Variants in DNAH8 observed in about 807,000 individuals in gnomAD.
DNAH8 encodes axonemal beta dynein heavy chain 8.
A neutral mutation model predicts 562.1 loss-of-function variants in DNAH8; 382 were observed. The ratio of observed to expected loss-of-function variants is 0.68; its 90% CI spans 0.63 to 0.74. The LOEUF is 0.74. Ranked by LOEUF, DNAH8 falls within the 30% of genes least tolerant of loss-of-function variation. DNAH8 has a pLI of 0.00. For synonymous variants in DNAH8, 1,881 were observed against 1,919.4 expected (o/e 0.98, Z 0.52); for missense variants, 5,203 against 5,620.4 (o/e 0.93, Z 2.37).
intron 5 of DNAH8, among the ~76,000 whole-genome samples, chr6:38,736,448 A>G (rs1764095150): frequency 6.6e-6 from 1 of 152,162 alleles, no homozygotes; most frequent in Non-Finnish European, 1.5e-5. Context: ...ATACCTTAAC[A>G]CGAATCAAGA....
At chr6:38,921,328 T>G (rs1231861916) in intron 70 of DNAH8, 41 bp from the exon 71 acceptor site, 1 of 1,595,794 alleles carries the variant, frequency 6.3e-7, no homozygotes, top group Non-Finnish European at 8.5e-7. Context: ...TCATGACTGT[T>G]TCATGCAGCT....
At chr6:38,968,372 T>C (rs964829221) in intron 82 of DNAH8, among the ~76,000 whole-genome samples, 1 of 152,112 alleles carries the variant, frequency 6.6e-6, no homozygotes, top group African/African-American at 2.4e-5. Context: ...GAGAAAATAT[T>C]TGCAAATCAT....
intron 88 of DNAH8, among the ~76,000 whole-genome samples, chr6:38,993,147 C>T (rs1463810613): frequency 6.6e-6 from 1 of 152,192 alleles, no homozygotes; most frequent in Non-Finnish European, 1.5e-5. Flanking sequence ...TGTCTTCCCC[C>T]ATTCCATATT....
At chr6:38,945,275 A>G (rs1021784458) in intron 79 of DNAH8, among the ~76,000 whole-genome samples, 192 bp from the exon 80 acceptor site, 1 of 152,226 alleles carries the variant, frequency 6.6e-6, no homozygotes, top group Non-Finnish European at 1.5e-5. Flanking sequence ...AGATGGTATA[A>G]ATCAGTAAAT....
At chr6:39,013,759 G>A (rs1052063590) in intron 91 of DNAH8, among the ~76,000 whole-genome samples, 1 of 152,170 alleles carries the variant, frequency 6.6e-6, no homozygotes, top group Non-Finnish European at 1.5e-5. Context: ...GCTGAGGTGG[G>A]AGGATCACCT....
chr6:38,929,737 A>C, intron 75 of DNAH8, 71 bp downstream of exon 75: 1 of 1,331,192 alleles, frequency 7.5e-7, no homozygotes, highest in Non-Finnish European at 9.9e-7. Context: ...AAAAATTAAG[A>C]AAGAGAAAGA....
intron 81 of DNAH8, among the ~76,000 whole-genome samples, chr6:38,950,185 T>C (rs957897749): frequency 4.7e-5 from 5 of 107,352 alleles, no homozygotes; most frequent in African/African-American, 7.9e-5. Flanking sequence ...AGTGTGTGTG[T>C]CTGCGTGTGT....
At chr6:38,838,070 C>T in intron 33 of DNAH8, 28 bp downstream of exon 33, 6 of 1,396,914 alleles carry the variant, frequency 4.3e-6, no homozygotes, top group Non-Finnish European at 6.1e-6. Flanking sequence ...GCAAGTATTA[C>T]ATGCAAATAA....
In DNAH8 at chr6:38,775,859, G is replaced by A. The variant is rs1371554492; in HGVS notation, c.1870G>A (p.Val624Ile). ...AAAATTCAGAAATATATACCAAGGG[G>A]TTAAGAAAAAGCAATATGACATTCT... ...AIKFRNIYQG[V>I]KKKQYDILDP... is the part of the protein sequence containing the mutation. The change falls in exon 13 of 93, where the codon GTT (valine) becomes ATT (isoleucine). Residue 624 changes from valine to isoleucine, a missense_variant. Transcript: ENST00000327475. 1 of 1,611,116 alleles carries A rather than the reference G, an allele frequency of 6.2e-7. No homozygotes were observed. The highest frequency in any genetic ancestry group is 8.5e-7 in the Non-Finnish European group (1 of 1,177,498).
Position 38,722,943 on chromosome 6 carries a change from A to G in DNAH8, c.134A>G (p.Asp45Gly). The G allele has an allele frequency of 2.5e-6, 4 of 1,612,596 alleles. No homozygotes were observed. The highest frequency in any genetic ancestry group is 1.3e-5 in the African/African-American group (1 of 75,030). The change falls in exon 2 of 93, where the codon GAT becomes GGT. Residue 45 changes from aspartate (D) to glycine (G), a missense_variant. Physicochemically the swap from Asp to Gly is moderately conservative, Grantham distance 94 (BLOSUM62 -1). Coordinates refer to ENST00000327475, the MANE Select transcript of DNAH8 (RefSeq NM_001206927.2). ...RPPTVEAPAE[D>G]GFSPSAEDAV... ...CCGACAGTGGAGGCCCCGGCAGAAG[A>G]TGGTTTCTCTCCTTCCGCAGAAGAT...
intron 68 of DNAH8, among the ~76,000 whole-genome samples, chr6:38,915,668 T>G (rs1781257167): frequency 6.6e-6 from 1 of 152,178 alleles, no homozygotes; most frequent in African/African-American, 2.4e-5. Context: ...GAGAGCCTGC[T>G]CAGTTTCTCC....
At chr6:38,723,941 T>C (rs1201379971) in intron 3 of DNAH8, among the ~76,000 whole-genome samples, 1 of 151,776 alleles carries the variant, frequency 6.6e-6, no homozygotes, top group Admixed American at 6.6e-5. Flanking sequence ...TATATAATTA[T>C]AGCCAGTTGA....
chr6:38,866,932 T>A lies in DNAH8; in HGVS notation c.6693+56T>A, dbSNP rs188522607. 307 of 1,030,176 alleles carry A rather than the reference T, an allele frequency of 3.0e-4. 2 individuals carry two copies. In the East Asian group the frequency reaches 7.4e-3, roughly 25 times the overall value. The allele number at this position is 1,030,176 out of a possible 1,614,324, so 63.8% of individuals were successfully genotyped here. Reference sequence around the variant, plus strand: ...AATAGTATTTGGTTTTTTTGCTTTGTAATTTTCCCTTGATAAATACTCATC... The same window carrying A: ...AATAGTATTTGGTTTTTTTGCTTTGAAATTTTCCCTTGATAAATACTCATC... On this transcript the variant is annotated intron_variant, in intron 47 of 92. Transcript: ENST00000327475.
chr6:38,764,640 G>T (rs1207905539), intron 11 of DNAH8: 2 of 152,258 alleles, frequency 1.3e-5, no homozygotes, highest in African/African-American at 4.8e-5. Flanking sequence ...TGTTGAGGTG[G>T]TAAAGGCAAT....
At chr6:38,846,490 C>T (rs141711109) in intron 36 of DNAH8, among the ~76,000 whole-genome samples, 35 of 152,260 alleles carry the variant, frequency 2.3e-4, no homozygotes, top group East Asian at 1.3e-3. Context: ...CCCTTTTCCA[C>T]GTTGGGATCA....
intron 12 of DNAH8, among the ~76,000 whole-genome samples, 170 bp downstream of exon 12, chr6:38,770,729 A>G (rs1222552333): frequency 6.6e-6 from 1 of 152,036 alleles, no homozygotes; most frequent in African/African-American, 2.4e-5. Flanking sequence ...TTATTTTTTC[A>G]TTCCTGGTTA....
chr6:38,882,851 TATGAG>T, intron 53 of DNAH8, 54 bp from the exon 54 acceptor site: 1 of 1,206,174 alleles, frequency 8.3e-7, no homozygotes, highest in Non-Finnish European at 1.1e-6. Context: ...ATTTTTGTAT[TATGAG>T]ATAACTTTCA....
intron 79 of DNAH8, among the ~76,000 whole-genome samples, chr6:38,940,974 G>T (rs1205988634): frequency 1.3e-5 from 2 of 151,924 alleles, no homozygotes; most frequent in Admixed American, 1.3e-4. Flanking sequence ...ACAAAAATTA[G>T]CTGGGCGTGG....
intron 53 of DNAH8, among the ~76,000 whole-genome samples, chr6:38,879,534 C>T (rs1195639452): frequency 6.6e-6 from 1 of 152,192 alleles, no homozygotes; most frequent in African/African-American, 2.4e-5. Flanking sequence ...AAATTTGACA[C>T]TCTTTTGTGA....
Sources: allele counts gnomAD v4.1 joint callset (sites outside exome capture counted in the v4.1 genomes callset), GRCh38; gene constraint gnomAD v4.1.1; transcripts MANE v1.5; gene names NCBI Gene and HGNC (gene_info 2026-07-23, HGNC 2026-07-21).